DGCR2: variants seen among roughly 807,000 people sequenced by gnomAD.
The protein encoded by DGCR2 is DiGeorge syndrome critical region gene 2.
Under a neutral mutation model 51.6 loss-of-function variants are expected in DGCR2, and 24 were observed. The ratio of observed to expected loss-of-function variants is 0.47; its 90% confidence interval spans 0.34 to 0.65. DGCR2 has a LOEUF of 0.65. Among genes scored for constraint, DGCR2 ranks in the 30% least tolerant of loss-of-function variants. DGCR2 has a pLI of 0.01. For missense variants in DGCR2, 765 were observed against 772.1 expected (o/e 0.99, Z 0.11); for synonymous variants, 340 against 315.4 (o/e 1.08, Z -0.82).
At chr22:19,088,722 C>G (rs1379161356) in intron 2 of DGCR2, among the ~76,000 whole-genome samples, 3 of 152,192 alleles carry the variant, frequency 2.0e-5, no homozygotes, top group Non-Finnish European at 2.9e-5. Flanking sequence ...CACACATGCA[C>G]AAGTACTCAC....
At chr22:19,072,058 G>A (rs183506831) in intron 2 of DGCR2, among the ~76,000 whole-genome samples, 96 of 152,160 alleles carry the variant, frequency 6.3e-4, no homozygotes, top group African/African-American at 2.2e-3. Context: ...CAGGGACAAG[G>A]CAGGTGGACA....
chr22:19,038,848 G>A lies in DGCR2; in HGVS notation c.*17C>T, dbSNP rs771103376. ...CAGACAGGTGCTCCCAGACCGTTGG[G>A]GTACAGGCCAGGCCGTCTACACCAC... On this transcript the variant is annotated 3_prime_UTR_variant, in exon 10 of 10. Transcript: ENST00000263196. The A allele has an allele frequency of 1.2e-6, 2 of 1,607,240 alleles. No homozygotes were observed. The highest frequency in any genetic ancestry group is 1.7e-6 in the Non-Finnish European group (2 of 1,176,132).
rs564523672 is a variant in DGCR2 at position 19,111,609 on chromosome 22, A to G, written c.79+10519T>C. ...CCCTCCACAATGAGTCTTGTCAGGT[A>G]AAGGGTGTGTAGAACTATACCCAAA... On this transcript the variant is annotated intron_variant, in intron 1 of 9. Coordinates refer to ENST00000263196, the MANE Select transcript of DGCR2 (RefSeq NM_005137.3). Among the ~76,000 whole-genome samples, 365 of 152,270 alleles carry G rather than the reference A, an allele frequency of 2.4e-3. 2 individuals are homozygous for G. The highest frequency in any genetic ancestry group is 8.4e-3 in the African/African-American group (347 of 41,542).
rs2082382345 is a variant in DGCR2 at position 19,037,441 on chromosome 22, C to T, written c.*1424G>A. Reference sequence around the variant, plus strand: ...GCACCACAGAACTGCATGCTTCAGACAGGCCTCCCAGGTGCTGCCCCGCTG... The same window carrying T: ...GCACCACAGAACTGCATGCTTCAGATAGGCCTCCCAGGTGCTGCCCCGCTG... On this transcript the variant is annotated 3_prime_UTR_variant, in exon 10 of 10. Transcript: ENST00000263196. The T allele has an allele frequency of 7.0e-6, 1 of 143,840 alleles. No individual in the cohort carries two copies. Among genetic ancestry groups the T allele is most frequent in the Non-Finnish European group, 1.5e-5 (1 of 65,534 alleles). 8.9% of individuals were successfully genotyped at this position (143,840 alleles called of 1,614,324 possible).
chr22:19,043,786 G>A (rs891836984), intron 7 of DGCR2, among the ~76,000 whole-genome samples: 1 of 152,174 alleles, frequency 6.6e-6, no homozygotes, highest in African/African-American at 2.4e-5. Flanking sequence ...ATTCCTGCTA[G>A]CCCAGTACAC....
At chr22:19,084,998 G>A (rs1317896239) in intron 2 of DGCR2, among the ~76,000 whole-genome samples, 2 of 152,140 alleles carry the variant, frequency 1.3e-5, no homozygotes, top group Non-Finnish European at 1.5e-5. Context: ...AGGGGGAAAC[G>A]TGGGGAAAAG....
intron 3 of DGCR2, 38 bp downstream of exon 3, chr22:19,068,062 C>G: frequency 3.3e-6 from 5 of 1,515,050 alleles, no homozygotes; most frequent in Non-Finnish European, 4.4e-6. Flanking sequence ...CAGGCTTGCA[C>G]TCCCCAGTGT....
At chr22:19,083,080 T>G (rs1276976687) in intron 2 of DGCR2, among the ~76,000 whole-genome samples, 2 of 143,422 alleles carry the variant, frequency 1.4e-5, no homozygotes, top group African/African-American at 5.1e-5. Flanking sequence ...GAGCCAGACC[T>G]TGTCTCAAAA....
intron 6 of DGCR2, among the ~76,000 whole-genome samples, chr22:19,051,690 C>T (rs897929418): frequency 1.3e-5 from 2 of 152,186 alleles, no homozygotes; most frequent in Non-Finnish European, 2.9e-5. Flanking sequence ...TGCACCACTG[C>T]GTTTGAGCCT....
chr22:19,102,956 T>C (rs2083219738), intron 1 of DGCR2, among the ~76,000 whole-genome samples: 1 of 152,176 alleles, frequency 6.6e-6, no homozygotes, highest in African/African-American at 2.4e-5. Flanking sequence ...CAGTGAGTTA[T>C]GATTTGATTG....
intron 1 of DGCR2, among the ~76,000 whole-genome samples, chr22:19,097,145 C>A (rs566591503): frequency 6.6e-6 from 1 of 152,206 alleles, no homozygotes; most frequent in African/African-American, 2.4e-5. Flanking sequence ...GGCCCCTTCC[C>A]CCATGCACCA....
chr22:19,070,541 G>C (rs1314332298), intron 2 of DGCR2, among the ~76,000 whole-genome samples: 1 of 152,226 alleles, frequency 6.6e-6, no homozygotes, highest in East Asian at 1.9e-4. Context: ...AAAGGGAAGA[G>C]AAAGAAGAGA....
chr22:19,084,227 G>A (rs1462851611), intron 2 of DGCR2, among the ~76,000 whole-genome samples: 1 of 151,544 alleles, frequency 6.6e-6, no homozygotes, highest in East Asian at 2.0e-4. Flanking sequence ...CCCAGTCTGG[G>A]AAGTGAGGAG....
At chr22:19,045,136 T>C (rs1207134502) in intron 7 of DGCR2, 2 of 152,204 alleles carry the variant, frequency 1.3e-5, no homozygotes, top group Admixed American at 1.3e-4. Context: ...TTACATACAG[T>C]AGGAGGGACA....
Position 19,038,707 on chromosome 22 carries a change from G to T in DGCR2, c.*158C>A. 1.0e-6 allele frequency: 1 copy of T among 952,976 alleles called. No individual in the cohort carries two copies. The highest frequency in any genetic ancestry group is 1.6e-6 in the Non-Finnish European group (1 of 643,772). 59.0% of individuals were successfully genotyped at this position (952,976 alleles called of 1,614,324 possible). On this transcript the variant is annotated 3_prime_UTR_variant, in exon 10 of 10. Coordinates refer to ENST00000263196, the MANE Select transcript of DGCR2 (RefSeq NM_005137.3). ...AGGCCATCACTTCTTTTGGCAGAAGGCGGGCTGTGGTCTCTATGTACACAC... is the reference window on the plus strand; with the variant it reads ...AGGCCATCACTTCTTTTGGCAGAAGTCGGGCTGTGGTCTCTATGTACACAC...
chr22:19,101,735 GT>G (rs1408138799), intron 1 of DGCR2, among the ~76,000 whole-genome samples: 1 of 70,824 alleles, frequency 1.4e-5, no homozygotes, highest in African/African-American at 7.7e-5. Flanking sequence ...GAGCAAAACT[GT>G]TAAAAAAAAA....
At chr22:19,113,604 A>C (rs191391275) in intron 1 of DGCR2, among the ~76,000 whole-genome samples, 2 of 152,314 alleles carry the variant, frequency 1.3e-5, no homozygotes, top group African/African-American at 4.8e-5. Context: ...CAGGTAAGGT[A>C]CAAGATGTGC....
chr22:19,061,725 C>T (rs2082665289), intron 5 of DGCR2: 1 of 152,182 alleles, frequency 6.6e-6, no homozygotes, highest in Non-Finnish European at 1.5e-5. Context: ...AATCCGCTAA[C>T]AGAGTTCCCG....
chr22:19,098,363 A>G (rs935814880), intron 1 of DGCR2, among the ~76,000 whole-genome samples: 6 of 152,162 alleles, frequency 3.9e-5, no homozygotes, highest in East Asian at 1.9e-4. Flanking sequence ...GGGCCAGATG[A>G]TAAGTATTTC....
Sources: allele counts gnomAD v4.1 joint callset (sites outside exome capture counted in the v4.1 genomes callset), GRCh38; gene constraint gnomAD v4.1.1; transcripts MANE v1.5; gene names NCBI Gene and HGNC (gene_info 2026-07-23, HGNC 2026-07-21).